VPS8: variants seen among roughly 807,000 people sequenced by gnomAD.
VPS8 encodes VPS8 subunit of CORVET complex.
A neutral mutation model predicts 216.4 loss-of-function variants in VPS8; 129 were observed. That is an observed-to-expected ratio of 0.60 (90% CI 0.52 to 0.69). The LOEUF (loss-of-function observed/expected upper bound fraction) is 0.69, where lower values mean the gene tolerates loss of function less well. VPS8 is among the 30% of genes least tolerant of loss of function. The pLI, the probability that VPS8 is intolerant of heterozygous loss-of-function variation, is 0.00. For synonymous variants in VPS8, 571 were observed against 565.4 expected, an observed-to-expected ratio of 1.01 and a Z score of -0.14; for missense variants, 1,531 against 1,683.5, an observed-to-expected ratio of 0.91 and a Z score of 1.59.
intron 39 of VPS8, 135 bp from the exon 40 acceptor site, chr3:184,971,514 G>A (rs1312810151): frequency 1.6e-5 from 9 of 557,108 alleles, no homozygotes; most frequent in South Asian, 7.0e-5. Flanking sequence ...TAAAACATTA[G>A]CATCAGGTTT....
At chr3:185,032,668 C>T (rs1758331508) in intron 46 of VPS8, among the ~76,000 whole-genome samples, 1 of 151,800 alleles carries the variant, frequency 6.6e-6, no homozygotes, top group African/African-American at 2.4e-5. Context: ...TAATTAATAG[C>T]CTTTTTTTTT....
At chr3:185,020,781 CA>C (rs1481573784) in intron 45 of VPS8, among the ~76,000 whole-genome samples, 1 of 152,126 alleles carries the variant, frequency 6.6e-6, no homozygotes, top group Non-Finnish European at 1.5e-5. Flanking sequence ...ATTTTAACAA[CA>C]ACAACAAAAG....
At chr3:184,925,093 G>C in intron 30 of VPS8, 112 bp downstream of exon 30, 33 of 1,403,040 alleles carry the variant, frequency 2.4e-5, no homozygotes, top group Non-Finnish European at 3.0e-5. Context: ...CCTTATCAAG[G>C]AGAGGCCTGT....
chr3:184,906,944 A>G (rs978344064), intron 25 of VPS8, among the ~76,000 whole-genome samples: 1 of 152,196 alleles, frequency 6.6e-6, no homozygotes, highest in African/African-American at 2.4e-5. Flanking sequence ...AACTCAAAAT[A>G]TCTTTAACCT....
rs1278290289 is a variant in VPS8 at position 184,849,148 on chromosome 3, A to T, written c.619A>T (p.Ile207Phe). 1 of 1,613,692 alleles carries T rather than the reference A, an allele frequency of 6.2e-7. No individual in the cohort carries two copies. Among genetic ancestry groups the T allele is most frequent in the East Asian group, 2.2e-5 (1 of 44,866 alleles). ...GTATGGCGCTATCTCTGCCCTCAGT[A>T]TCAACAATGATTGCTCAAGACTTCT... ...GQYGAISALS[I>F]NNDCSRLLCG... Residue 207 changes from isoleucine to phenylalanine, a missense_variant, in exon 9 of 48, where the codon ATC (isoleucine) becomes TTC (phenylalanine). Coordinates refer to ENST00000625842, the MANE Select transcript of VPS8 (RefSeq NM_001009921.3).
At chr3:185,031,236 C>G (rs966675286) in intron 46 of VPS8, among the ~76,000 whole-genome samples, 2 of 151,974 alleles carry the variant, frequency 1.3e-5, no homozygotes, top group Non-Finnish European at 2.9e-5. Flanking sequence ...ATAGATGCAG[C>G]ATTTTCTAGC....
chr3:184,820,702 C>A (rs1717390778), intron 1 of VPS8, among the ~76,000 whole-genome samples: 1 of 152,042 alleles, frequency 6.6e-6, no homozygotes, highest in Non-Finnish European at 1.5e-5. Context: ...GAAAAACTTA[C>A]TGACTAAAAT....
chr3:184,944,248 GAT>G (rs1357788772), intron 36 of VPS8, among the ~76,000 whole-genome samples: 1 of 152,206 alleles, frequency 6.6e-6, no homozygotes, highest in Non-Finnish European at 1.5e-5. Flanking sequence ...GACCTGCAAA[GAT>G]ATTGGTGGCA....
chr3:184,986,503 G>C (rs187247546), intron 42 of VPS8, among the ~76,000 whole-genome samples: 3 of 152,270 alleles, frequency 2.0e-5, no homozygotes, highest in Admixed American at 1.3e-4. Flanking sequence ...AGGATTTGGG[G>C]AAAGTCTGCT....
chr3:185,004,434 A>G (rs1202643677), intron 45 of VPS8, among the ~76,000 whole-genome samples: 3 of 152,222 alleles, frequency 2.0e-5, no homozygotes, highest in African/African-American at 7.2e-5. Flanking sequence ...GCAGCAGCAC[A>G]GTCCAGCCTC....
At chr3:184,911,864 G>A (rs1198089367) in intron 25 of VPS8, among the ~76,000 whole-genome samples, 1 of 152,072 alleles carries the variant, frequency 6.6e-6, no homozygotes, top group Non-Finnish European at 1.5e-5. Flanking sequence ...TAACTGATAA[G>A]GTACTGGAAC....
chr3:184,977,795 A>T (rs1280844270), intron 40 of VPS8, among the ~76,000 whole-genome samples: 2 of 132,496 alleles, frequency 1.5e-5, no homozygotes, highest in African/African-American at 2.9e-5. Context: ...CAGCTTTTGG[A>T]TATGTTGCTG....
Position 184,957,397 on chromosome 3 carries a change from A to C in VPS8, c.3059A>C (p.Glu1020Ala). Residue 1020 changes from glutamate to alanine, a missense_variant, in exon 37 of 48, where the codon GAA becomes GCA. Coordinates refer to ENST00000625842, the MANE Select transcript of VPS8 (RefSeq NM_001009921.3). Reference protein sequence around the residue: ...DPREGIHVNQELLQISPCITE... With the variant: ...DPREGIHVNQALLQISPCITE... ...AGGGAAGGTATTCATGTAAATCAAGAATTACTGCAAATATCTCCTTGTATC... is the reference window on the plus strand; with the variant it reads ...AGGGAAGGTATTCATGTAAATCAAGCATTACTGCAAATATCTCCTTGTATC... 2.5e-6 allele frequency: 4 copies of C among 1,610,854 alleles called. No homozygotes were observed. The highest frequency in any genetic ancestry group is 3.4e-6 in the Non-Finnish European group (4 of 1,178,378).
chr3:184,812,329 C>G (rs182119023), intron 1 of VPS8, 104 bp downstream of exon 1: 1 of 152,242 alleles, frequency 6.6e-6, no homozygotes, highest in Non-Finnish European at 1.5e-5. Flanking sequence ...CTCGGCGTCT[C>G]CTCCCCGCGC....
intron 5 of VPS8, among the ~76,000 whole-genome samples, chr3:184,835,397 G>T (rs1465198249): frequency 6.6e-6 from 1 of 152,142 alleles, no homozygotes; most frequent in African/African-American, 2.4e-5. Flanking sequence ...GTGTAAAATG[G>T]CTGGAACAGA....
chr3:185,020,948 T>A (rs1450465244), intron 45 of VPS8, among the ~76,000 whole-genome samples: 1 of 152,180 alleles, frequency 6.6e-6, no homozygotes, highest in African/African-American at 2.4e-5. Flanking sequence ...GGGGTGCACC[T>A]GTAATCCCAG....
At chr3:184,944,472 C>T (rs942198757) in intron 36 of VPS8, 5 of 984,378 alleles carry the variant, frequency 5.1e-6, no homozygotes, top group Non-Finnish European at 4.8e-6. Flanking sequence ...CAGGAGTTCT[C>T]CTGATGTGCT....
chr3:184,832,507 A>C (rs1397321399), intron 3 of VPS8, among the ~76,000 whole-genome samples, 182 bp from the exon 4 acceptor site: 1 of 152,210 alleles, frequency 6.6e-6, no homozygotes, highest in African/African-American at 2.4e-5. Flanking sequence ...AGAGAGAAAT[A>C]GCTGTCTAGA....
intron 3 of VPS8, among the ~76,000 whole-genome samples, chr3:184,832,290 G>A (rs189248143): frequency 6.6e-6 from 1 of 152,036 alleles, no homozygotes; most frequent in Non-Finnish European, 1.5e-5. Flanking sequence ...ATGCCTTTCT[G>A]CTGTCTGCTT....
Sources: gnomAD v4.1 joint callset for allele counts (sites outside exome capture counted in the v4.1 genomes callset) on GRCh38, gnomAD v4.1.1 for gene constraint, MANE v1.5 for transcripts, NCBI Gene and HGNC (gene_info 2026-07-23, HGNC 2026-07-21) for gene names.